The following FGF12 variants were observed in gnomAD, a reference collection of about 807,000 sequenced individuals.
FGF12 encodes the protein fibroblast growth factor 12.
FGF12 carries 14 observed loss-of-function variants against 23.6 expected under a neutral mutation model. That is an observed-to-expected ratio of 0.59 (90% confidence interval 0.39 to 0.93). The LOEUF (loss-of-function observed/expected upper bound fraction) is 0.93. Ranked by LOEUF, FGF12 falls within the 40% of genes least tolerant of loss-of-function variation. FGF12 has a pLI of 0.00. For missense variants in FGF12, 175 were observed against 217.8 expected (o/e 0.80, Z 1.24); for synonymous variants, 62 against 77.3 (o/e 0.80, Z 1.04).
intron 4 of FGF12, among the ~76,000 whole-genome samples, chr3:192,177,621 C>G (rs567104684): frequency 6.6e-6 from 1 of 152,198 alleles, no homozygotes; most frequent in African/African-American, 2.4e-5. Flanking sequence ...GCTGAGATAA[C>G]CCATGGGTGA....
At chr3:192,466,705 T>C (rs1723022169) in intron 2 of FGF12, among the ~76,000 whole-genome samples, 1 of 152,178 alleles carries the variant, frequency 6.6e-6, no homozygotes, top group Admixed American at 6.5e-5. Context: ...AGCTATTCAC[T>C]AGCATAGATG....
chr3:192,688,603 T>C (rs1392194766), intron 2 of FGF12, among the ~76,000 whole-genome samples: 9 of 152,186 alleles, frequency 5.9e-5, no homozygotes, highest in African/African-American at 1.9e-4. Flanking sequence ...CTCAGAAGAA[T>C]TGGAGATTCA....
intron 2 of FGF12, among the ~76,000 whole-genome samples, chr3:192,602,231 C>A (rs748827571): frequency 3.3e-5 from 5 of 152,096 alleles, no homozygotes; most frequent in Non-Finnish European, 5.9e-5. Context: ...GAACTTTCTG[C>A]TCAATTTTCC....
intron 2 of FGF12, among the ~76,000 whole-genome samples, chr3:192,378,088 T>TTCTG (rs1217238561): frequency 8.4e-6 from 1 of 119,540 alleles, no homozygotes; most frequent in South Asian, 2.7e-4. Flanking sequence ...CTTTCTTTCT[T>TTCTG]TCTTTCTTCT....
rs559568894 is a variant in FGF12, at chr3:192,340,128, T to C, written c.125-4664A>G. On this transcript the variant is annotated intron_variant, in intron 3 of 5. Coordinates refer to ENST00000445105, the MANE Select transcript of FGF12 (RefSeq NM_004113.6). Reference sequence around the variant, plus strand: ...TCTAAACTCCATCTTTTTGCTAACTTAGCTCCCTCTGCTTGGAATGTCACT... The same window carrying C: ...TCTAAACTCCATCTTTTTGCTAACTCAGCTCCCTCTGCTTGGAATGTCACT... Among the ~76,000 whole-genome samples the C allele has an allele frequency of 1.3e-3, 193 of 152,118 alleles. 1 individual carries two copies. The Middle Eastern group carries it at 0.017, about 13-fold the overall frequency.
intron 2 of FGF12, among the ~76,000 whole-genome samples, chr3:192,684,978 G>A (rs1717680065): frequency 6.6e-6 from 1 of 152,126 alleles, no homozygotes; most frequent in South Asian, 2.1e-4. Context: ...TTACCTCCTT[G>A]TGCCTCAGTT....
intron 2 of FGF12, among the ~76,000 whole-genome samples, chr3:192,426,013 C>A (rs1044458518): frequency 6.6e-6 from 1 of 152,156 alleles, no homozygotes; most frequent in African/African-American, 2.4e-5. Context: ...CTTACTCTCA[C>A]CAAGTTTATA....
At chr3:192,693,773 C>T (rs1383395326) in intron 2 of FGF12, among the ~76,000 whole-genome samples, 1 of 152,070 alleles carries the variant, frequency 6.6e-6, no homozygotes, top group Non-Finnish European at 1.5e-5. Flanking sequence ...AAGATCTAAA[C>T]ACAGAGCCGT....
chr3:192,678,505 C>T (rs1717406871), intron 2 of FGF12, among the ~76,000 whole-genome samples: 1 of 152,150 alleles, frequency 6.6e-6, no homozygotes, highest in African/African-American at 2.4e-5. Flanking sequence ...CGTTCATGTC[C>T]TTATGCTCTA....
intron 2 of FGF12, among the ~76,000 whole-genome samples, chr3:192,462,838 T>C (rs1050406264): frequency 6.6e-6 from 1 of 152,182 alleles, no homozygotes; most frequent in Non-Finnish European, 1.5e-5. Flanking sequence ...AAATAACTGA[T>C]TTATAATGTA....
At chr3:192,664,583 T>C (rs1246870632) in intron 2 of FGF12, among the ~76,000 whole-genome samples, 1 of 57,882 alleles carries the variant, frequency 1.7e-5, no homozygotes, top group Non-Finnish European at 3.7e-5. Context: ...ACCCTGTCTC[T>C]ACTAAAAATA....
chr3:192,374,071 T>C, intron 2 of FGF12, among the ~76,000 whole-genome samples: 1 of 152,246 alleles, frequency 6.6e-6, no homozygotes, highest in East Asian at 1.9e-4. Flanking sequence ...CAACAAATAA[T>C]TTTTAAAGGG....
intron 3 of FGF12, among the ~76,000 whole-genome samples, chr3:192,356,259 A>G (rs1477163837): frequency 6.6e-6 from 1 of 152,160 alleles, no homozygotes; most frequent in Non-Finnish European, 1.5e-5. Flanking sequence ...CATCTGCTTC[A>G]GTATCTCCAG....
intron 2 of FGF12, among the ~76,000 whole-genome samples, chr3:192,625,468 T>C (rs992126655): frequency 6.6e-6 from 1 of 152,148 alleles, no homozygotes; most frequent in Non-Finnish European, 1.5e-5. Flanking sequence ...GAATGTTTTC[T>C]GTTTTGAAAT....
chr3:192,305,141 G>A (rs1324664962), intron 4 of FGF12, among the ~76,000 whole-genome samples: 1 of 152,098 alleles, frequency 6.6e-6, no homozygotes, highest in Non-Finnish European at 1.5e-5. Context: ...ATAAATGCAT[G>A]AGGAGAGATA....
At chr3:192,509,696 A>ACC (rs1724413097) in intron 2 of FGF12, among the ~76,000 whole-genome samples, 1 of 152,208 alleles carries the variant, frequency 6.6e-6, no homozygotes, top group Non-Finnish European at 1.5e-5. Context: ...TAGCCTCAGG[A>ACC]CACACACTAA....
At chr3:192,393,948 C>T (rs530884026) in intron 2 of FGF12, among the ~76,000 whole-genome samples, 31 of 152,280 alleles carry the variant, frequency 2.0e-4, no homozygotes, top group Middle Eastern at 3.4e-3. Flanking sequence ...AATCTAAAAA[C>T]TTGATAATTA....
chr3:192,359,307 G>A (rs1351360909), intron 3 of FGF12, among the ~76,000 whole-genome samples: 3 of 152,162 alleles, frequency 2.0e-5, no homozygotes, highest in African/African-American at 7.2e-5. Flanking sequence ...TCATTCATTA[G>A]GGATTTTAAA....
chr3:192,253,707 G>A (rs184869342), intron 4 of FGF12, among the ~76,000 whole-genome samples: 245 of 151,934 alleles, frequency 1.6e-3, no homozygotes, highest in Admixed American at 6.4e-3. Context: ...AGAGAAAGTC[G>A]GATGTTTTCC....
Sources: gnomAD v4.1 joint callset for allele counts (sites outside exome capture counted in the v4.1 genomes callset) on GRCh38, gnomAD v4.1.1 for gene constraint, MANE v1.5 for transcripts, NCBI Gene and HGNC (gene_info 2026-07-23, HGNC 2026-07-21) for gene names.